APPL1: variants seen among roughly 807,000 people sequenced by gnomAD.
APPL1 encodes adaptor protein, phosphotyrosine interacting with PH domain and leucine zipper 1, also known as DCC-interacting protein 13-alpha.
Under a neutral mutation model 106.8 loss-of-function variants are expected in APPL1, and 42 were observed. The ratio of observed to expected loss-of-function variants is 0.39; its 90% confidence interval spans 0.31 to 0.51. The LOEUF (loss-of-function observed/expected upper bound fraction) is 0.51. Ranked by LOEUF, APPL1 falls within the 20% of genes least tolerant of loss-of-function variation. The pLI, the probability that APPL1 is intolerant of heterozygous loss-of-function variation, is 0.75. For synonymous variants in APPL1, 263 were observed against 281.8 expected, an observed-to-expected ratio of 0.93 and a Z score of 0.67; for missense variants, 769 against 858.2, an observed-to-expected ratio of 0.90 and a Z score of 1.30.
intron 21 of APPL1, 75 bp from the exon 22 acceptor site, chr3:57,269,466 A>G: frequency 6.6e-7 from 1 of 1,507,624 alleles, no homozygotes; most frequent in Non-Finnish European, 9.0e-7. Flanking sequence ...GGCTCTCAAG[A>G]ATGTATCTTA....
At chr3:57,251,294 C>T (rs973424205) in intron 11 of APPL1, among the ~76,000 whole-genome samples, 2 of 151,222 alleles carry the variant, frequency 1.3e-5, no homozygotes, top group Admixed American at 6.6e-5. Flanking sequence ...GAGGCCAAGG[C>T]GGGTGGATCA....
In APPL1 at chr3:57,266,929, TC is replaced by T. The variant is rs1164197834; in HGVS notation, c.1843-812del. On this transcript the variant is annotated intron_variant, in intron 19 of 21. Transcript: ENST00000288266. The stretch of plus-strand genomic sequence containing the variant: ...AACAAGTGGCTTCGTTCCTGGGTTC[TC>T]TATTCTGTTCCATTGGCCATGTGTC... Among the ~76,000 whole-genome samples, 7 of 152,302 alleles carry T rather than the reference TC, an allele frequency of 4.6e-5. No homozygotes were observed. In the Middle Eastern group the frequency reaches 0.01, roughly 222 times the overall value.
intron 1 of APPL1, among the ~76,000 whole-genome samples, chr3:57,231,363 A>AT (rs1305095182): frequency 2.7e-5 from 4 of 149,752 alleles, no homozygotes; most frequent in African/African-American, 1.0e-4. Flanking sequence ...AAAAAAAGAA[A>AT]ATTTTTTTTT....
chr3:57,264,599 A>T (rs558630133), intron 19 of APPL1, among the ~76,000 whole-genome samples: 1,974 of 151,278 alleles, frequency 0.013, 15 homozygotes, highest in East Asian at 0.036. Flanking sequence ...AAATTTTTTT[A>T]AAAAATATTT....
At chr3:57,268,625 A>G (rs2060911959) in intron 21 of APPL1, 138 bp downstream of exon 21, 1 of 960,338 alleles carries the variant, frequency 1.0e-6, no homozygotes, top group Non-Finnish European at 1.4e-6. Context: ...GATTCATACC[A>G]TAGCAGAAAA....
chr3:57,269,846 CTT>C lies in APPL1; in HGVS notation c.*160_*161del. ...TTAAAAAAAAGATTGAACTTGATGA[CTT>C]AGGTTTGCATTGATCTTTTTTCCCC... On this transcript the variant is annotated 3_prime_UTR_variant, in exon 22 of 22. Transcript: ENST00000288266. 1 of 840,700 alleles carries C rather than the reference CTT, an allele frequency of 1.2e-6. No individual in the cohort carries two copies. The highest frequency in any genetic ancestry group is 1.8e-6 in the Non-Finnish European group (1 of 563,332). The allele number at this position is 840,700 out of a possible 1,614,324, so 52.1% of individuals were successfully genotyped here.
chr3:57,244,343 G>A (rs921829208), intron 7 of APPL1, among the ~76,000 whole-genome samples: 2 of 151,890 alleles, frequency 1.3e-5, no homozygotes, highest in African/African-American at 2.4e-5. Context: ...TTTAGTAGAG[G>A]TGGGGTTTCA....
chr3:57,232,854 T>C (rs1349374166), intron 1 of APPL1, among the ~76,000 whole-genome samples: 5 of 151,824 alleles, frequency 3.3e-5, no homozygotes, highest in Non-Finnish European at 5.9e-5. Context: ...TACAAAAAAT[T>C]AGCTGGGTGT....
intron 15 of APPL1, 102 bp from the exon 16 acceptor site, chr3:57,258,926 C>CTT: frequency 1.8e-5 from 13 of 732,196 alleles, no homozygotes; most frequent in East Asian, 3.2e-5. Context: ...CATTTTAGAG[C>CTT]TTTTTTTTTT....
chr3:57,265,139 G>GTTTTTTGTT (rs1321580710), intron 19 of APPL1, among the ~76,000 whole-genome samples: 2 of 151,196 alleles, frequency 1.3e-5, no homozygotes, highest in Non-Finnish European at 3.0e-5. Context: ...GTGTTTTATA[G>GTTTTTTGTT]TTTTTTGTTT....
chr3:57,267,606 A>G (rs2060901552), intron 19 of APPL1, 136 bp from the exon 20 acceptor site: 1 of 726,254 alleles, frequency 1.4e-6, no homozygotes, highest in African/African-American at 1.8e-5. Flanking sequence ...GGGCTTGAGC[A>G]TTCTTAAATA....
In APPL1 at chr3:57,257,049, A is replaced by G. The variant is rs2060840817; in HGVS notation, c.1245A>G (p.Ala415=). 1.3e-5 allele frequency: 21 copies of G among 1,614,006 alleles called. No individual in the cohort carries two copies. The highest frequency in any genetic ancestry group is 1.7e-5 in the Non-Finnish European group (20 of 1,179,976). ...GGCACGAGAGCCTGCGGCCAGCAGC[A>G]GGGTAAGTTACCACACTGAGTTATT... The part of the protein sequence containing the change: ...QQRHESLRPA[A]GQSRPPTART... Residue 415 remains alanine, a splice_region_variant and synonymous_variant, in exon 14 of 22, where the codon GCA becomes GCG. Coordinates refer to ENST00000288266, the MANE Select transcript of APPL1 (RefSeq NM_012096.3).
chr3:57,248,508 G>C (rs1055095452), intron 10 of APPL1, among the ~76,000 whole-genome samples, 157 bp downstream of exon 10: 1 of 152,122 alleles, frequency 6.6e-6, no homozygotes, highest in Non-Finnish European at 1.5e-5. Flanking sequence ...GACAGATGAA[G>C]TACATGAATA....
chr3:57,237,824 C>T (rs1426905488), intron 3 of APPL1, among the ~76,000 whole-genome samples: 1 of 152,172 alleles, frequency 6.6e-6, no homozygotes, highest in Non-Finnish European at 1.5e-5. Flanking sequence ...AATCTTTGAA[C>T]TTCCAGTACA....
intron 21 of APPL1, 48 bp downstream of exon 21, chr3:57,268,535 T>G: frequency 6.5e-7 from 1 of 1,527,754 alleles, no homozygotes; most frequent in Non-Finnish European, 8.8e-7. Flanking sequence ...TGTGAAGACT[T>G]AATTCAGCAC....
intron 20 of APPL1, 98 bp downstream of exon 20, chr3:57,267,890 G>A (rs1453659370): frequency 2.7e-5 from 33 of 1,240,214 alleles, no homozygotes; most frequent in Non-Finnish European, 3.7e-5. Context: ...TCAGGAGTTC[G>A]AGACTAACCT....
chr3:57,228,005 G>C lies in APPL1; in HGVS notation c.54+68G>C, dbSNP rs1226963919. On this transcript the variant is annotated intron_variant, in intron 1 of 21. Transcript: ENST00000288266. The surrounding 1 kb of genome is among the most constrained non-coding windows in gnomAD (Gnocchi z 4.6). ...GGCCGACCCCAGGTCTGGCGCCTCCGCGGCTCCCGCAGGTGCCCGCCCCGG... is the reference window on the plus strand; with the variant it reads ...GGCCGACCCCAGGTCTGGCGCCTCCCCGGCTCCCGCAGGTGCCCGCCCCGG... The C allele has an allele frequency of 1.5e-6, 2 of 1,308,396 alleles. No individual in the cohort carries two copies. The highest frequency in any genetic ancestry group is 5.6e-5 in the Admixed American group (2 of 35,418). 81.0% of individuals were successfully genotyped at this position (1,308,396 alleles called of 1,614,324 possible).
At chr3:57,260,553 C>A in intron 18 of APPL1, 75 bp from the exon 19 acceptor site, 4 of 1,333,766 alleles carry the variant, frequency 3.0e-6, no homozygotes, top group South Asian at 1.7e-5. Context: ...TAGAACTTAG[C>A]ATATGAGTTT....
chr3:57,265,058 TATTG>T (rs1489696418), intron 19 of APPL1, among the ~76,000 whole-genome samples: 1 of 152,168 alleles, frequency 6.6e-6, no homozygotes, highest in East Asian at 1.9e-4. Flanking sequence ...ATTTTAACAA[TATTG>T]ATTCTTCCAA....
Sources: gnomAD v4.1 joint callset for allele counts (sites outside exome capture counted in the v4.1 genomes callset) on GRCh38, gnomAD v4.1.1 for gene constraint, Gnocchi (gnomAD v3.1) non-coding constraint, MANE v1.5 for transcripts, NCBI Gene and HGNC (gene_info 2026-07-23, HGNC 2026-07-21) for gene names.